IQSEC1: variants seen among roughly 807,000 people sequenced by gnomAD.
IQSEC1 encodes IQ motif and SEC7 domain-containing protein 1.
In IQSEC1, 31 loss-of-function variants were observed where a neutral mutation model predicts 91.0. The ratio of observed to expected loss-of-function variants is 0.34; its 90% CI spans 0.26 to 0.46. The LOEUF is 0.46. IQSEC1 is among the 20% of genes least tolerant of loss of function. The pLI, the probability that IQSEC1 is intolerant of heterozygous loss-of-function variation, is 1.00. For missense variants in IQSEC1, 1,388 were observed against 1,575.6 expected, an observed-to-expected ratio of 0.88 and a Z score of 2.02; for synonymous variants, 699 against 662.6, an observed-to-expected ratio of 1.05 and a Z score of -0.84.
In IQSEC1 at chr3:13,023,412, C is replaced by T. The variant is rs192306080; in HGVS notation, c.23+49580G>A. Among the ~76,000 whole-genome samples the T allele has an allele frequency of 8.5e-5, 13 of 152,310 alleles. No homozygotes were observed. In the East Asian group the frequency reaches 2.5e-3, roughly 29 times the overall value. On this transcript the variant is annotated intron_variant, in intron 1 of 13. Transcript: ENST00000613206. The stretch of plus-strand genomic sequence containing the variant: ...ACTCACGGATCAAGGTCAACACTCA[C>T]AGATCTACTTTTCCCCACCTACAGC...
chr3:13,007,532 G>A (rs1264045768), intron 1 of IQSEC1, among the ~76,000 whole-genome samples: 2 of 152,240 alleles, frequency 1.3e-5, no homozygotes, highest in Non-Finnish European at 2.9e-5. Flanking sequence ...GAACTTGCGC[G>A]AGTCACTTGG....
chr3:13,069,330 C>T lies in IQSEC1; in HGVS notation c.23+3662G>A, dbSNP rs181119901. Among the ~76,000 whole-genome samples the T allele has an allele frequency of 1.3e-3, 194 of 152,260 alleles. 1 individual carries two copies. The highest frequency in any genetic ancestry group is 3.3e-3 in the East Asian group (17 of 5,170). ...GTCCAGCAGATGCTGATAACTGTGC[C>T]TGCAGAACTGACCCAGCCAAGGTGA... On this transcript the variant is annotated intron_variant, in intron 1 of 13. Coordinates refer to ENST00000613206, the MANE Select transcript of IQSEC1 (RefSeq NM_001134382.3).
chr3:13,245,454 G>A (rs551962111), intron 1 of IQSEC1, among the ~76,000 whole-genome samples: 2 of 152,336 alleles, frequency 1.3e-5, no homozygotes, highest in African/African-American at 4.8e-5. Flanking sequence ...GGGAGACGCT[G>A]AACAGTCACA....
chr3:13,039,054 G>A lies in IQSEC1; in HGVS notation c.23+33938C>T, dbSNP rs140954772. 3.6e-3 allele frequency among the ~76,000 whole-genome samples: 553 copies of A among 152,332 alleles called. 1 individual carries two copies. Among genetic ancestry groups the A allele is most frequent in the African/African-American group, 0.013 (528 of 41,584 alleles). On this transcript the variant is annotated intron_variant, in intron 1 of 13. Transcript: ENST00000613206. ...TAACAGCTTATTTTGGAAGCTGGGCGATGGGTATACTACTCTCCTCCATAT... is the reference window on the plus strand; with the variant it reads ...TAACAGCTTATTTTGGAAGCTGGGCAATGGGTATACTACTCTCCTCCATAT...
In IQSEC1 at chr3:12,900,511, C is replaced by T. The variant is rs1023587231; in HGVS notation, c.*472G>A. ...TATATAAAGTTTACTTACGTATTTTCATCAACCATATCAGGTCTACTTATT... is the reference window on the plus strand; with the variant it reads ...TATATAAAGTTTACTTACGTATTTTTATCAACCATATCAGGTCTACTTATT... On this transcript the variant is annotated 3_prime_UTR_variant, in exon 14 of 14. Coordinates refer to ENST00000613206, the MANE Select transcript of IQSEC1 (RefSeq NM_001134382.3). The T allele has an allele frequency of 1.5e-5, 13 of 889,608 alleles. No homozygotes were observed. The highest frequency in any genetic ancestry group is 1.8e-5 in the African/African-American group (1 of 55,018). 55.1% of individuals were successfully genotyped at this position (889,608 alleles called of 1,614,324 possible).
intron 2 of IQSEC1, among the ~76,000 whole-genome samples, chr3:13,083,470 C>A (rs1338822125): frequency 6.6e-6 from 1 of 152,268 alleles, no homozygotes; most frequent in African/African-American, 2.4e-5. Flanking sequence ...GGGCCTCTTC[C>A]TCTTCCTACT....
At chr3:13,272,131 G>A (rs945519414) in intron 1 of IQSEC1, among the ~76,000 whole-genome samples, 1 of 152,180 alleles carries the variant, frequency 6.6e-6, no homozygotes, top group Non-Finnish European at 1.5e-5. Flanking sequence ...CCCTAAAAAT[G>A]TCTAGATGAC....
upstream of IQSEC1, among the ~76,000 whole-genome samples, chr3:13,075,552 C>T (rs1208097271): frequency 2.0e-5 from 3 of 152,242 alleles, no homozygotes; most frequent in East Asian, 5.8e-4. Flanking sequence ...CTGGGAGGCC[C>T]ATGACATGCA....
chr3:13,014,926 A>G (rs550275820), intron 1 of IQSEC1, among the ~76,000 whole-genome samples: 1 of 152,236 alleles, frequency 6.6e-6, no homozygotes, highest in Admixed American at 6.5e-5. Context: ...CCAGATGGGA[A>G]ATGGCCCCAG....
intron 1 of IQSEC1, among the ~76,000 whole-genome samples, chr3:13,029,656 C>T (rs772285256): frequency 7.9e-5 from 12 of 152,250 alleles, no homozygotes; most frequent in Non-Finnish European, 1.5e-4. Flanking sequence ...GGGGGCCAAA[C>T]AGGAACCCTC....
At chr3:13,002,992 A>G (rs1056132732) in intron 1 of IQSEC1, among the ~76,000 whole-genome samples, 31 of 152,256 alleles carry the variant, frequency 2.0e-4, no homozygotes, top group African/African-American at 7.0e-4. Flanking sequence ...CTAAAGAGAA[A>G]TGAAAACATA....
intron 1 of IQSEC1, among the ~76,000 whole-genome samples, chr3:13,246,373 G>A (rs1343350542): frequency 6.6e-6 from 1 of 152,192 alleles, no homozygotes; most frequent in African/African-American, 2.4e-5. Context: ...TAAGGGGTTG[G>A]TGTTTCATGG....
chr3:13,098,509 G>GAGGGTGA (rs1173462117), intron 2 of IQSEC1, among the ~76,000 whole-genome samples: 1 of 152,178 alleles, frequency 6.6e-6, no homozygotes, highest in Admixed American at 6.5e-5. Flanking sequence ...GGGTCAAGAG[G>GAGGGTGA]AGGGTGAGGG....
chr3:12,924,045 AG>A lies in IQSEC1; in HGVS notation c.1730+535del, dbSNP rs1696886204. Among the ~76,000 whole-genome samples the A allele has an allele frequency of 6.6e-6, 1 of 152,042 alleles. No homozygotes were observed. Among genetic ancestry groups the A allele is most frequent in the Non-Finnish European group, 1.5e-5 (1 of 68,000 alleles). ...AATATCCCAGCCGGGAGAATGAGGC[AG>A]GGGCAGAGCGTGGCACGGGCCGCCC... On this transcript the variant is annotated intron_variant, in intron 4 of 13. Transcript: ENST00000613206. This position sits in a 1 kb window ranked among gnomAD's most constrained non-coding sequence, Gnocchi z 6.3.
At chr3:13,117,289 GAA>G (rs34963745) in intron 2 of IQSEC1, among the ~76,000 whole-genome samples, 1 of 121,368 alleles carries the variant, frequency 8.2e-6, no homozygotes, top group Non-Finnish European at 1.7e-5. Flanking sequence ...CAGGTCATTA[GAA>G]AAAAAAAAAA....
intron 1 of IQSEC1, among the ~76,000 whole-genome samples, chr3:13,256,309 G>A (rs1358127494): frequency 1.3e-5 from 2 of 151,918 alleles, no homozygotes; most frequent in South Asian, 2.1e-4. Flanking sequence ...CACTTCAAAT[G>A]GCTAAAATGG....
intron 1 of IQSEC1, among the ~76,000 whole-genome samples, chr3:12,993,004 AC>A (rs1188913491): frequency 6.6e-6 from 1 of 151,850 alleles, no homozygotes; most frequent in African/African-American, 2.4e-5. Context: ...GGGGTCCCAC[AC>A]TCTAAGACCC....
chr3:12,931,753 G>A (rs1449546630), intron 3 of IQSEC1, among the ~76,000 whole-genome samples: 1 of 152,202 alleles, frequency 6.6e-6, no homozygotes, highest in East Asian at 1.9e-4. Flanking sequence ...TCCAGCAGGT[G>A]GATGGGACCC....
chr3:13,275,707 C>T (rs1031923264), intron 1 of IQSEC1, among the ~76,000 whole-genome samples: 3 of 152,260 alleles, frequency 2.0e-5, no homozygotes, highest in African/African-American at 7.2e-5. Flanking sequence ...GGCCTGATCC[C>T]TCTGTAATCT....
Sources: allele counts gnomAD v4.1 joint callset (sites outside exome capture counted in the v4.1 genomes callset), GRCh38; gene constraint gnomAD v4.1.1; non-coding constraint Gnocchi (gnomAD v3.1); transcripts MANE v1.5; gene names NCBI Gene and HGNC (gene_info 2026-07-23, HGNC 2026-07-21).